SCN9A: variants seen among roughly 807,000 people sequenced by gnomAD.
SCN9A encodes the protein sodium channel protein type 9 subunit alpha.
SCN9A carries 131 observed loss-of-function variants against 187.0 expected under a neutral mutation model. That is an observed-to-expected ratio of 0.70 (90% CI 0.61 to 0.81). SCN9A has a LOEUF of 0.81. Ranked by LOEUF, SCN9A falls within the 30% of genes least tolerant of loss-of-function variation. The probability of loss-of-function intolerance (pLI) is 0.00; values close to 1 mark genes in which losing one functional copy is unlikely to be tolerated. For synonymous variants in SCN9A, 809 were observed against 808.6 expected, an observed-to-expected ratio of 1.00 and a Z score of -0.01; for missense variants, 2,252 against 2,396.6, an observed-to-expected ratio of 0.94 and a Z score of 1.26.
chr2:166,345,310 GA>G (rs60145586), intron 1 of SCN9A, among the ~76,000 whole-genome samples: 102,978 of 151,796 alleles, frequency 0.68, 35,600 homozygotes, highest in African/African-American at 0.82. Context: ...GCATAACTTA[GA>G]AAAAAATATG....
At chr2:166,368,194 T>C (rs982285751) in intron 1 of SCN9A, among the ~76,000 whole-genome samples, 1 of 152,206 alleles carries the variant, frequency 6.6e-6, no homozygotes, top group African/African-American at 2.4e-5. Flanking sequence ...ATGGTGGTCA[T>C]GAGGATTTAA....
chr2:166,263,854 G>C (rs1371753371), intron 17 of SCN9A, among the ~76,000 whole-genome samples: 1 of 151,960 alleles, frequency 6.6e-6, no homozygotes, highest in African/African-American at 2.4e-5. Context: ...AAGCTGCAAG[G>C]ATTGCCAACA....
At chr2:166,314,730 T>C (rs1647112649) in intron 1 of SCN9A, among the ~76,000 whole-genome samples, 1 of 152,204 alleles carries the variant, frequency 6.6e-6, no homozygotes, top group Admixed American at 6.5e-5. Flanking sequence ...TTCCATCTTA[T>C]GAAATGTCCA....
intron 24 of SCN9A, chr2:166,204,841 T>A (rs1316735557): frequency 6.5e-6 from 1 of 153,604 alleles, no homozygotes; most frequent in Non-Finnish European, 1.4e-5. Flanking sequence ...TCTTCTTTGA[T>A]GATTTGGCAA....
intron 1 of SCN9A, among the ~76,000 whole-genome samples, chr2:166,360,236 G>GA (rs79741845): frequency 0.068 from 2,973 of 43,808 alleles, 124 homozygotes; most frequent in East Asian, 0.24. Flanking sequence ...AAAAAAAAAA[G>GA]AAAAAAAAAA....
chr2:166,357,057 C>T (rs1323627896), intron 1 of SCN9A, among the ~76,000 whole-genome samples: 1 of 152,046 alleles, frequency 6.6e-6, no homozygotes, highest in Non-Finnish European at 1.5e-5. Context: ...TATTTCATCA[C>T]CAAGGTCTTA....
chr2:166,286,828 C>T (rs576463019), intron 10 of SCN9A, among the ~76,000 whole-genome samples: 2 of 152,220 alleles, frequency 1.3e-5, no homozygotes, highest in Admixed American at 1.3e-4. Context: ...AAATAAAGCT[C>T]TATTGTATTT....
chr2:166,256,740 G>C (rs917203694), intron 17 of SCN9A, among the ~76,000 whole-genome samples: 6 of 151,448 alleles, frequency 4.0e-5, no homozygotes, highest in African/African-American at 1.5e-4. Context: ...GAAACACACA[G>C]TTCCATCACA....
Position 166,204,030 on chromosome 2 carries a change from T to A in SCN9A, c.4699A>T (p.Ile1567Phe), listed in dbSNP as rs1558944954. ...GTGAAGTAGTAGTGTCTGAGGGAGA[T>A]CAGTTTTAGCACACATTCTCCAGTG... is the stretch of plus-strand genomic sequence containing the variant. ...LFTGECVLKLISLRHYYFTVG... is the reference protein window; with the variant it reads ...LFTGECVLKLFSLRHYYFTVG... The change falls in exon 26 of 27, where the codon ATC becomes TTC. Residue 1567 changes from isoleucine to phenylalanine, a missense_variant. Ile to Phe is a conservative substitution (Grantham distance 21). This residue lies in a region of SCN9A where 368 missense variants were observed against 408.6 expected (regional missense o/e 0.90). Transcript: ENST00000642356. 3 of 1,608,250 alleles carry A rather than the reference T, an allele frequency of 1.9e-6. No individual in the cohort carries two copies. The highest frequency in any genetic ancestry group is 2.6e-6 in the Non-Finnish European group (3 of 1,175,366).
At chr2:166,359,084 C>A (rs1431474218) in intron 1 of SCN9A, among the ~76,000 whole-genome samples, 2 of 152,020 alleles carry the variant, frequency 1.3e-5, no homozygotes, top group Non-Finnish European at 2.9e-5. Flanking sequence ...TTCTGGATAT[C>A]GTATTTTCTT....
intron 25 of SCN9A, 53 bp downstream of exon 25, chr2:166,204,307 G>A: frequency 1.3e-6 from 2 of 1,556,038 alleles, no homozygotes; most frequent in Non-Finnish European, 1.8e-6. Flanking sequence ...CATTAAAAAT[G>A]AATTAGAAAT....
chr2:166,366,653 C>G (rs1296376479), intron 1 of SCN9A, among the ~76,000 whole-genome samples: 1 of 152,160 alleles, frequency 6.6e-6, no homozygotes, highest in Admixed American at 6.5e-5. Context: ...CTCAACAACA[C>G]CTTTCACTTT....
rs548214486 is a variant in SCN9A, at chr2:166,306,324, C to A, written c.467+186G>T. 5.9e-5 allele frequency among the ~76,000 whole-genome samples: 9 copies of A among 152,150 alleles called. 1 individual carries two copies. In the South Asian group the frequency reaches 1.9e-3, roughly 32 times the overall value. The stretch of plus-strand genomic sequence containing the variant: ...TTCATTCTTTGAGAAAACACTGTAG[C>A]ATCTAATTTTTCTAATCTAGCAGGT... On this transcript the variant is annotated intron_variant, in intron 4 of 26. Transcript: ENST00000642356.
At chr2:166,252,069 ATCTT>A (rs1300748827) in intron 17 of SCN9A, among the ~76,000 whole-genome samples, 184 bp from the exon 18 acceptor site, 2 of 151,850 alleles carry the variant, frequency 1.3e-5, no homozygotes, top group African/African-American at 4.8e-5. Context: ...TCTATACTTG[ATCTT>A]TCTATCTACA....
chr2:166,343,225 C>A (rs1037298901), intron 1 of SCN9A, among the ~76,000 whole-genome samples: 3 of 151,842 alleles, frequency 2.0e-5, no homozygotes, highest in Non-Finnish European at 4.4e-5. Context: ...ATTTAGAATT[C>A]TAATCAATGT....
intron 1 of SCN9A, among the ~76,000 whole-genome samples, chr2:166,344,445 G>A (rs1201116820): frequency 3.9e-5 from 6 of 152,036 alleles, no homozygotes; most frequent in East Asian, 3.9e-4. Context: ...AGCATCTTAC[G>A]AAACTAAGGA....
chr2:166,260,816 CAT>C (rs1696474645), intron 17 of SCN9A, among the ~76,000 whole-genome samples: 2 of 151,702 alleles, frequency 1.3e-5, no homozygotes, highest in African/African-American at 4.8e-5. Context: ...TGTTCAGTAA[CAT>C]AATATTTATG....
intron 24 of SCN9A, among the ~76,000 whole-genome samples, chr2:166,205,824 A>C (rs2106349424): frequency 6.6e-6 from 1 of 152,304 alleles, no homozygotes; most frequent in East Asian, 1.9e-4. Context: ...CAAGAAAAAA[A>C]CAAACAACTC....
intron 7 of SCN9A, chr2:166,302,449 T>C (rs922283896): frequency 6.6e-6 from 1 of 152,168 alleles, no homozygotes; most frequent in Non-Finnish European, 1.5e-5. Flanking sequence ...TAAACTTTGA[T>C]ATCTTGCCAT....
Sources: allele counts gnomAD v4.1 joint callset (sites outside exome capture counted in the v4.1 genomes callset), GRCh38; gene constraint gnomAD v4.1.1; regional missense constraint gnomAD v4.1.1; transcripts MANE v1.5; gene names NCBI Gene and HGNC (gene_info 2026-07-23, HGNC 2026-07-21).